KIF4A: variants seen among roughly 807,000 people sequenced by gnomAD.
KIF4A encodes kinesin family member 4A.
In KIF4A, 7 loss-of-function variants were observed where a neutral mutation model predicts 105.9. The observed-to-expected ratio is 0.07, with a 90% CI of 0.04 to 0.12. The LOEUF is 0.12. Ranked by LOEUF, KIF4A falls within the 10% of genes least tolerant of loss-of-function variation. The probability of loss-of-function intolerance (pLI) is 1.00; values close to 1 mark genes in which losing one functional copy is unlikely to be tolerated. For missense variants in KIF4A, 558 were observed against 929.2 expected (o/e 0.60, Z 5.19); for synonymous variants, 281 against 331.3 (o/e 0.85, Z 1.65).
chrX:70,394,750 G>A (rs1365468782), intron 20 of KIF4A, among the ~76,000 whole-genome samples: 2 of 111,324 alleles, frequency 1.8e-5, no homozygotes, highest in African/African-American at 6.5e-5. Flanking sequence ...TTTGTTATTA[G>A]GGACGTACAC....
At chrX:70,396,297 G>T (rs2086259201) in intron 22 of KIF4A, 2 of 247,250 alleles carry the variant, frequency 8.1e-6, no homozygotes, top group East Asian at 6.7e-5. Context: ...ATATGGAAGT[G>T]GGTTATCAGA....
chrX:70,366,718 T>G (rs1416467945), intron 15 of KIF4A, among the ~76,000 whole-genome samples: 2 of 111,970 alleles, frequency 1.8e-5, no homozygotes, highest in African/African-American at 6.5e-5. Flanking sequence ...GAAAAGAATG[T>G]ATATTCTGTT....
At chrX:70,393,364 T>C (rs758480516) in intron 20 of KIF4A, among the ~76,000 whole-genome samples, 1 of 111,541 alleles carries the variant, frequency 9.0e-6, no homozygotes, top group South Asian at 3.8e-4. Flanking sequence ...TGATCAATCT[T>C]AGTAAATGTT....
intron 3 of KIF4A, among the ~76,000 whole-genome samples, chrX:70,295,356 A>G (rs770793660): frequency 9.2e-6 from 1 of 108,269 alleles, no homozygotes; most frequent in Admixed American, 9.9e-5. Context: ...TTGTGTTTTT[A>G]GTACAGATAG....
At chrX:70,354,983 G>A (rs1190234094) in intron 15 of KIF4A, among the ~76,000 whole-genome samples, 1 of 111,683 alleles carries the variant, frequency 9.0e-6, no homozygotes, top group Non-Finnish European at 1.9e-5. Context: ...GGGGGTTTAA[G>A]ATTCTTTCCT....
intron 15 of KIF4A, among the ~76,000 whole-genome samples, chrX:70,366,782 T>TGA (rs1251071866): frequency 1.8e-5 from 2 of 111,670 alleles, no homozygotes; most frequent in Non-Finnish European, 3.8e-5. Context: ...GGTGCAGAGC[T>TGA]GAGTTCAATT....
At chrX:70,350,169 C>A (rs775749795) in intron 13 of KIF4A, among the ~76,000 whole-genome samples, 5 of 111,140 alleles carry the variant, frequency 4.5e-5, no homozygotes, top group Admixed American at 9.5e-5. Context: ...GAGCCGAGAT[C>A]ACGCCACTGC....
chrX:70,350,428 C>T (rs1018247838), intron 13 of KIF4A, among the ~76,000 whole-genome samples: 5 of 109,967 alleles, frequency 4.5e-5, no homozygotes, highest in African/African-American at 1.0e-4. Flanking sequence ...GAGGTTGCAG[C>T]GAGCTGAGAT....
intron 15 of KIF4A, among the ~76,000 whole-genome samples, chrX:70,365,900 A>G (rs2086100740): frequency 9.0e-6 from 1 of 111,510 alleles, no homozygotes; most frequent in South Asian, 3.8e-4. Context: ...GTAAGCTATT[A>G]ATTATTGTCA....
At chrX:70,380,563 C>G (rs1413766939) in intron 18 of KIF4A, among the ~76,000 whole-genome samples, 1 of 111,850 alleles carries the variant, frequency 8.9e-6, no homozygotes, top group Non-Finnish European at 1.9e-5. Context: ...AAACCCACAG[C>G]TAACATCATA....
At chrX:70,311,910 A>T (rs1199458) in intron 7 of KIF4A, among the ~76,000 whole-genome samples, 13,070 of 106,210 alleles carry the variant, frequency 0.12, 1,408 homozygotes, top group African/African-American at 0.34. Context: ...GCTGTGATTG[A>T]GCCACTGCAC....
At chrX:70,326,406 T>A (rs2085911203) in intron 7 of KIF4A, among the ~76,000 whole-genome samples, 1 of 112,016 alleles carries the variant, frequency 8.9e-6, no homozygotes, top group Non-Finnish European at 1.9e-5. Flanking sequence ...TGAAGCAGAA[T>A]TGCCCCTAGT....
chrX:70,301,809 C>A, intron 5 of KIF4A, 91 bp from the exon 6 acceptor site: 1 of 1,011,868 alleles, frequency 9.9e-7, no homozygotes, highest in Non-Finnish European at 1.4e-6. Context: ...ACTAGACTAT[C>A]AAGGCATTTT....
chrX:70,341,781 T>C lies in KIF4A; in HGVS notation c.1134-18T>C. 8.4e-7 allele frequency: 1 copy of C among 1,197,255 alleles called. No individual in the cohort carries two copies. On this transcript the variant is annotated intron_variant, in intron 10 of 30. Transcript: ENST00000374403. ...ATCAATCAGATATTTTTCTAATATG[T>C]TATTTACTTTGTTTTAGTGTGGAAC...
At chrX:70,301,406 G>A (rs2085804014) in intron 5 of KIF4A, among the ~76,000 whole-genome samples, 2 of 111,468 alleles carry the variant, frequency 1.8e-5, no homozygotes, top group African/African-American at 6.5e-5. Context: ...GGTAAATACA[G>A]TACTAAGCCT....
At chrX:70,400,790 CAG>C (rs1185615847) in intron 22 of KIF4A, among the ~76,000 whole-genome samples, 4 of 109,494 alleles carry the variant, frequency 3.7e-5, no homozygotes, top group African/African-American at 6.6e-5. Flanking sequence ...GTTTTTTTGA[CAG>C]AGTCTCACTC....
intron 7 of KIF4A, among the ~76,000 whole-genome samples, chrX:70,302,945 A>G (rs904976246): frequency 8.9e-6 from 1 of 112,086 alleles, no homozygotes; most frequent in East Asian, 2.8e-4. Flanking sequence ...ATCCAGCTCT[A>G]TATCTCAATT....
Position 70,301,942 on chromosome X carries a change from A to T in KIF4A, c.559A>T (p.Thr187Ser). ...TEKTVLVALD[T>S]VSCLEQGNNS... ...GAAGACTGTTTTGGTTGCCTTGGAT[A>T]CTGTTTCCTGTTTGGAACAGGGCAA... Residue 187 changes from threonine (T) to serine (S), a missense_variant, in exon 6 of 31, where the codon ACT (threonine) becomes TCT (serine). Coordinates refer to ENST00000374403, the MANE Select transcript of KIF4A (RefSeq NM_012310.5). 1 of 1,211,527 alleles carries T rather than the reference A, an allele frequency of 8.3e-7. No individual in the cohort carries two copies. The highest frequency in any genetic ancestry group is 1.1e-6 in the Non-Finnish European group (1 of 895,263).
chrX:70,386,564 G>A (rs2086218235), intron 18 of KIF4A, 54 bp from the exon 19 acceptor site: 5 of 908,157 alleles, frequency 5.5e-6, no homozygotes, highest in Non-Finnish European at 3.2e-6. Flanking sequence ...TATAGTATAA[G>A]GTTTTATTTT....
Sources: allele counts gnomAD v4.1 joint callset (sites outside exome capture counted in the v4.1 genomes callset), GRCh38; gene constraint gnomAD v4.1.1; transcripts MANE v1.5; gene names NCBI Gene and HGNC (gene_info 2026-07-23, HGNC 2026-07-21).